The following LBP variants were observed in gnomAD, a reference collection of about 807,000 sequenced individuals.
The protein encoded by LBP is lipopolysaccharide binding protein.
Under a neutral mutation model 56.6 loss-of-function variants are expected in LBP, and 53 were observed. That is an observed-to-expected ratio of 0.94 (90% CI 0.75 to 1.18). The LOEUF is 1.18. Among genes scored for constraint, LBP ranks in the 50% most tolerant of loss-of-function variants. The probability of loss-of-function intolerance (pLI) is 0.00; values close to 1 mark genes in which losing one functional copy is unlikely to be tolerated. For synonymous variants in LBP, 227 were observed against 247.5 expected, an observed-to-expected ratio of 0.92 and a Z score of 0.78; for missense variants, 601 against 598.3, an observed-to-expected ratio of 1.00 and a Z score of -0.05.
chr20:38,373,770 C>T (rs895241930), intron 13 of LBP, among the ~76,000 whole-genome samples, 167 bp from the exon 14 acceptor site: 4 of 152,132 alleles, frequency 2.6e-5, no homozygotes, highest in Non-Finnish European at 5.9e-5. Context: ...GCCTCAGTTT[C>T]CTTATCTGTA....
In LBP at chr20:38,373,945, G is replaced by A. The variant is rs2232619; in HGVS notation, c.1333G>A (p.Ala445Thr). Residue 445 changes from alanine to threonine, a missense_variant, in exon 14 of 15, where the codon GCC becomes ACC. Coordinates refer to ENST00000217407, the MANE Select transcript of LBP (RefSeq NM_004139.5). ...TFYPKFNDKL[A>T]EGFPLPLLKR... The stretch of plus-strand genomic sequence containing the variant: ...TGTGCTTCAACCTCTAGATAAGTTG[G>A]CCGAAGGCTTCCCCCTTCCTCTGCT... 0.016 allele frequency: 26,508 copies of A among 1,613,948 alleles called. 676 individuals are homozygous for A. Among genetic ancestry groups the A allele is most frequent in the African/African-American group, 0.11 (8,580 of 74,988 alleles).
rs540720680 is a variant in LBP at position 38,372,849 on chromosome 20, T to C, written c.1261-223T>C. 2.0e-5 allele frequency among the ~76,000 whole-genome samples: 3 copies of C among 152,348 alleles called. No individual in the cohort carries two copies. In the East Asian group the frequency reaches 5.8e-4, roughly 29 times the overall value. ...ATAAGGCTAAGGACATGTCAAATGT[T>C]GATGTTCTTCCTTTAGAGGAAAGAC... On this transcript the variant is annotated intron_variant, in intron 12 of 14. Coordinates refer to ENST00000217407, the MANE Select transcript of LBP (RefSeq NM_004139.5).
At chr20:38,364,537 G>T in intron 7 of LBP, 39 bp from the exon 8 acceptor site, 1 of 1,607,502 alleles carries the variant, frequency 6.2e-7, no homozygotes, top group Non-Finnish European at 8.5e-7. Flanking sequence ...CCCACGATAG[G>T]CTTTGAAAAG....
At chr20:38,366,733 A>G (rs2076883424) in intron 8 of LBP, 36 bp from the exon 9 acceptor site, 1 of 1,598,244 alleles carries the variant, frequency 6.3e-7, no homozygotes. Context: ...CTCCAGCGGG[A>G]GCACCCTAAA....
At chr20:38,371,346 T>C in intron 12 of LBP, 24 bp downstream of exon 12, 4 of 1,531,880 alleles carry the variant, frequency 2.6e-6, no homozygotes, top group Non-Finnish European at 3.6e-6. Flanking sequence ...ATTGATGACA[T>C]GATTAGAATG....
chr20:38,355,344 A>G lies in LBP; in HGVS notation c.525-2A>G. On this transcript the variant is annotated splice_acceptor_variant, in intron 4 of 14. Transcript: ENST00000217407. LOFTEE classifies it high-confidence loss of function. ...AGTGGCAGACTGTGCTTCTCTCCCC[A>G]GGTGGCTGTTGAACCTCTTCCACAA... 1.9e-6 allele frequency: 3 copies of G among 1,613,708 alleles called. No individual in the cohort carries two copies. Among genetic ancestry groups the G allele is most frequent in the Non-Finnish European group, 2.5e-6 (3 of 1,179,882 alleles).
chr20:38,366,700 C>T (rs575562677), intron 8 of LBP, 69 bp from the exon 9 acceptor site: 1 of 1,443,636 alleles, frequency 6.9e-7, no homozygotes, highest in South Asian at 1.1e-5. Flanking sequence ...CCCCTGTCTC[C>T]CCAATCTTCT....
chr20:38,362,808 C>G (rs1445663858), intron 6 of LBP, among the ~76,000 whole-genome samples: 1 of 151,406 alleles, frequency 6.6e-6, no homozygotes, highest in Non-Finnish European at 1.5e-5. Flanking sequence ...ATTAGCCAGG[C>G]ATAGTGGTGT....
chr20:38,359,199 T>G (rs1381506587), intron 5 of LBP, among the ~76,000 whole-genome samples: 1 of 152,088 alleles, frequency 6.6e-6, no homozygotes, highest in African/African-American at 2.4e-5. Flanking sequence ...TTTAGAGGGG[T>G]TTTTTTGTTT....
intron 6 of LBP, among the ~76,000 whole-genome samples, chr20:38,361,399 C>T (rs2076859683): frequency 6.6e-6 from 1 of 151,940 alleles, no homozygotes; most frequent in African/African-American, 2.4e-5. Context: ...ATAGTATAGG[C>T]ATTGTTCCAG....
chr20:38,372,603 A>G (rs1253478126), intron 12 of LBP, among the ~76,000 whole-genome samples: 1 of 152,186 alleles, frequency 6.6e-6, no homozygotes, highest in African/African-American at 2.4e-5. Flanking sequence ...GTTTCCCGAT[A>G]TATGGAATAG....
At chr20:38,361,953 T>C (rs1261620948) in intron 6 of LBP, among the ~76,000 whole-genome samples, 1 of 152,166 alleles carries the variant, frequency 6.6e-6, no homozygotes, top group Non-Finnish European at 1.5e-5. Context: ...TCAGACAATA[T>C]TTTGAGTCTC....
intron 5 of LBP, among the ~76,000 whole-genome samples, chr20:38,358,326 C>T (rs2076848314): frequency 6.6e-6 from 1 of 152,162 alleles, no homozygotes; most frequent in African/African-American, 2.4e-5. Flanking sequence ...CTGCTGCACC[C>T]CTAACCACTA....
chr20:38,346,503 A>G lies in LBP; in HGVS notation c.-14A>G. 1 of 1,612,848 alleles carries G rather than the reference A, an allele frequency of 6.2e-7. No individual in the cohort carries two copies. Among genetic ancestry groups the G allele is most frequent in the African/African-American group, 1.3e-5 (1 of 74,902 alleles). On this transcript the variant is annotated 5_prime_UTR_variant, in exon 1 of 15. Transcript: ENST00000217407. ...AGCTGGGACAGTCCTGGCCCACTGC[A>G]CTGGGAATCTAGGATGGGGGCCTTG... is the stretch of plus-strand genomic sequence containing the variant.
intron 14 of LBP, among the ~76,000 whole-genome samples, chr20:38,375,290 A>AT (rs1308333570): frequency 2.7e-5 from 4 of 150,018 alleles, no homozygotes; most frequent in Non-Finnish European, 5.9e-5. Flanking sequence ...CTTAAAACAA[A>AT]TTTTTTTTTA....
intron 12 of LBP, 43 bp from the exon 13 acceptor site, chr20:38,373,021 CACCATGTG>C (rs1426244182): frequency 6.6e-7 from 1 of 1,514,914 alleles, no homozygotes; most frequent in Non-Finnish European, 9.2e-7. Flanking sequence ...CACACAGAAC[CACCATGTG>C]GCCCTGTGGC....
chr20:38,346,701 C>T (rs1322609855), intron 1 of LBP, 61 bp downstream of exon 1: 5 of 1,601,736 alleles, frequency 3.1e-6, no homozygotes, highest in Non-Finnish European at 4.3e-6. Flanking sequence ...GCTCTGGGTA[C>T]AGTGGGGACA....
At chr20:38,349,759 T>C (rs2076814168) in intron 2 of LBP, 97 bp downstream of exon 2, 1 of 857,190 alleles carries the variant, frequency 1.2e-6, no homozygotes. Flanking sequence ...GATTGGGCTG[T>C]GGGGGGACCT....
At position 38,346,654 on chromosome 20, in the gene LBP, T is replaced by C; in HGVS notation, c.124+14T>C. ...GACTGCAGTATGGTAAGAAGCCACA[T>C]CTGCTGGCTGGACTTGGCAAACCCA... On this transcript the variant is annotated intron_variant, in intron 1 of 14. Transcript: ENST00000217407. The C allele has an allele frequency of 6.2e-7, 1 of 1,613,020 alleles. No individual in the cohort carries two copies. Among genetic ancestry groups the C allele is most frequent in the South Asian group, 1.1e-5 (1 of 91,058 alleles).
Sources: gnomAD v4.1 joint callset for allele counts (sites outside exome capture counted in the v4.1 genomes callset) on GRCh38, gnomAD v4.1.1 for gene constraint, MANE v1.5 for transcripts, NCBI Gene and HGNC (gene_info 2026-07-23, HGNC 2026-07-21) for gene names.